The following TFRC variants were observed in gnomAD, a reference collection of about 807,000 sequenced individuals.
TFRC encodes transferrin receptor, also known as transferrin receptor protein 1.
Under a neutral mutation model 85.8 loss-of-function variants are expected in TFRC, and 35 were observed. That is an observed-to-expected ratio of 0.41 (90% CI 0.31 to 0.54). The LOEUF (loss-of-function observed/expected upper bound fraction) is 0.54. Ranked by LOEUF, TFRC falls within the 20% of genes least tolerant of loss-of-function variation. The probability of loss-of-function intolerance (pLI) is 0.31; values close to 1 mark genes in which losing one functional copy is unlikely to be tolerated. For missense variants in TFRC, 828 were observed against 921.5 expected, an observed-to-expected ratio of 0.90 and a Z score of 1.31; for synonymous variants, 362 against 328.6, an observed-to-expected ratio of 1.10 and a Z score of -1.10.
chr3:196,057,142 CAAAG>C (rs1190098662), intron 16 of TFRC, among the ~76,000 whole-genome samples: 1 of 152,152 alleles, frequency 6.6e-6, no homozygotes, highest in Non-Finnish European at 1.5e-5. Context: ...TTTCTGCCTC[CAAAG>C]AAAGAAGAAG....
intron 6 of TFRC, chr3:196,069,783 C>T (rs1718038784): frequency 2.3e-6 from 1 of 428,392 alleles, no homozygotes; most frequent in African/African-American, 2.0e-5. Flanking sequence ...CCTCCTATGT[C>T]TTTCATGCTT....
At chr3:196,058,455 A>T in intron 15 of TFRC, 90 bp from the exon 16 acceptor site, 1 of 1,484,168 alleles carries the variant, frequency 6.7e-7, no homozygotes, top group Non-Finnish European at 9.3e-7. Context: ...TAAATTCTTT[A>T]GCTGAATATC....
intron 3 of TFRC, 63 bp downstream of exon 3, chr3:196,075,096 G>T: frequency 1.5e-5 from 17 of 1,158,892 alleles, no homozygotes; most frequent in Non-Finnish European, 2.1e-5. Context: ...ATGCTGAGCT[G>T]ACATAACAGA....
rs140696734 is a variant in TFRC, at chr3:196,079,827, CCT to C, written c.-24+2214_-24+2215del. On this transcript the variant is annotated intron_variant, in intron 1 of 18. Transcript: ENST00000360110. Reference sequence around the variant, plus strand: ...CTCCAAAATCAGACAGAATCCAGCCCCTGTTTTTACCCACCAACATTCTTCTC... The same window carrying C: ...CTCCAAAATCAGACAGAATCCAGCCCGTTTTTACCCACCAACATTCTTCTC... Among the ~76,000 whole-genome samples the C allele has an allele frequency of 4.0e-3, 616 of 152,260 alleles. 1 individual carries two copies. Among genetic ancestry groups the C allele is most frequent in the African/African-American group, 9.4e-3 (389 of 41,538 alleles).
At chr3:196,056,667 C>CTG (rs1208330090) in intron 16 of TFRC, among the ~76,000 whole-genome samples, 2 of 152,150 alleles carry the variant, frequency 1.3e-5, no homozygotes, top group Non-Finnish European at 2.9e-5. Flanking sequence ...CTCCCAAATG[C>CTG]TGGGATTACA....
At position 196,063,151 on chromosome 3, in the gene TFRC, A is replaced by T. The variant is rs499591; in HGVS notation, c.1319-212T>A. 456,365 of 474,740 alleles carry T rather than the reference A, an allele frequency of 0.96. 219,570 individuals are homozygous for T. The highest frequency in any genetic ancestry group is 1 in the East Asian group (26,191 of 26,272). 29.4% of individuals were successfully genotyped at this position (474,740 alleles called of 1,614,324 possible). ...TAAAAGAATAGGAATAATTTTTTTT[A>T]AAGTAACCTACAAAGAGCAAGATAG... On this transcript the variant is annotated intron_variant, in intron 11 of 18. Coordinates refer to ENST00000360110, the MANE Select transcript of TFRC (RefSeq NM_001128148.3).
intron 4 of TFRC, among the ~76,000 whole-genome samples, chr3:196,072,602 A>AT (rs1482144928): frequency 6.6e-6 from 1 of 152,112 alleles, no homozygotes; most frequent in Non-Finnish European, 1.5e-5. Context: ...TAGTTCTTAC[A>AT]TTTTTGTGGG....
chr3:196,056,639 T>G (rs990101046), intron 16 of TFRC, among the ~76,000 whole-genome samples: 22 of 152,110 alleles, frequency 1.4e-4, no homozygotes, highest in Admixed American at 1.4e-3. Context: ...TGACCTCAAG[T>G]GATCTACCCG....
chr3:196,072,260 TC>T (rs2108653920), intron 4 of TFRC, 108 bp from the exon 5 acceptor site: 1 of 1,410,990 alleles, frequency 7.1e-7, no homozygotes, highest in East Asian at 2.4e-5. Flanking sequence ...CCCTCATAGT[TC>T]AGATAAATGA....
intron 18 of TFRC, 116 bp from the exon 19 acceptor site, chr3:196,052,300 T>C: frequency 8.9e-7 from 1 of 1,127,350 alleles, no homozygotes. Flanking sequence ...GACTTTTTTT[T>C]TTTTTTTTTT....
intron 15 of TFRC, 89 bp downstream of exon 15, chr3:196,058,485 A>C (rs1478184610): frequency 6.7e-7 from 1 of 1,489,234 alleles, no homozygotes; most frequent in Non-Finnish European, 9.3e-7. Flanking sequence ...AAGTAAGTTC[A>C]ATGCAAGGAC....
At chr3:196,053,387 T>G (rs1716505314) in intron 18 of TFRC, 31 bp downstream of exon 18, 3 of 1,613,216 alleles carry the variant, frequency 1.9e-6, no homozygotes, top group Non-Finnish European at 2.5e-6. Flanking sequence ...TACACATACT[T>G]TAGTTCCTCC....
At chr3:196,057,427 C>T (rs1716891278) in intron 16 of TFRC, among the ~76,000 whole-genome samples, 2 of 152,222 alleles carry the variant, frequency 1.3e-5, no homozygotes, top group South Asian at 2.1e-4. Flanking sequence ...ATTGCTCACT[C>T]GGGGAGCTCA....
chr3:196,079,582 C>G (rs1412941973), intron 1 of TFRC, among the ~76,000 whole-genome samples: 1 of 152,200 alleles, frequency 6.6e-6, no homozygotes, highest in Non-Finnish European at 1.5e-5. Context: ...CACCATTGCA[C>G]TACAGCCTGG....
At chr3:196,060,448 GCTCGTACTAC>G in intron 13 of TFRC, 1 of 561,610 alleles carries the variant, frequency 1.8e-6, no homozygotes, top group Non-Finnish European at 3.2e-6. Context: ...ACTCAAGTGG[GCTCGTACTAC>G]TCCTTGAGTT....
chr3:196,058,272 G>T lies in TFRC; in HGVS notation c.1677+12C>A. 6.2e-7 allele frequency: 1 copy of T among 1,610,074 alleles called. No individual in the cohort carries two copies. The highest frequency in any genetic ancestry group is 1.1e-5 in the South Asian group (1 of 90,708). On this transcript the variant is annotated intron_variant, in intron 16 of 18. Transcript: ENST00000360110. Reference sequence around the variant, plus strand: ...GCCTCTCTCCATTTGTCATTTAAATGAACAGACTTACCTCGCAAAAACAGA... The same window carrying T: ...GCCTCTCTCCATTTGTCATTTAAATTAACAGACTTACCTCGCAAAAACAGA...
At chr3:196,058,456 G>A in intron 15 of TFRC, 91 bp from the exon 16 acceptor site, 1 of 1,481,362 alleles carries the variant, frequency 6.8e-7, no homozygotes, top group Non-Finnish European at 9.4e-7. Flanking sequence ...AAATTCTTTA[G>A]CTGAATATCT....
In TFRC at chr3:196,054,976, C is replaced by A. The variant is rs1716647559; in HGVS notation, c.1899+104G>T. 4 of 1,145,102 alleles carry A rather than the reference C, an allele frequency of 3.5e-6. No individual in the cohort carries two copies. In the South Asian group the frequency reaches 5.3e-5, roughly 15 times the overall value. The allele number at this position is 1,145,102 out of a possible 1,614,324, so 70.9% of individuals were successfully genotyped here. A position where few individuals can be genotyped will look rare whatever the true frequency, so the allele number is the denominator to read the frequency against. ...ATACCTCAGTTCACTTTAAAATGTA[C>A]TATGGCTACAATCACCCTTCCAACA... On this transcript the variant is annotated intron_variant, in intron 17 of 18. Coordinates refer to ENST00000360110, the MANE Select transcript of TFRC (RefSeq NM_001128148.3).
chr3:196,077,156 T>C (rs575175287), intron 1 of TFRC, 34 bp from the exon 2 acceptor site: 4 of 1,490,584 alleles, frequency 2.7e-6, no homozygotes, highest in Non-Finnish European at 3.7e-6. Context: ...TTGAGAAAGA[T>C]ACTACTGTAT....
Sources: allele counts gnomAD v4.1 joint callset (sites outside exome capture counted in the v4.1 genomes callset), GRCh38; gene constraint gnomAD v4.1.1; transcripts MANE v1.5; gene names NCBI Gene and HGNC (gene_info 2026-07-23, HGNC 2026-07-21).